Variants in NGEF observed in about 807,000 individuals in gnomAD.
NGEF encodes ephexin-1.
NGEF carries 31 observed loss-of-function variants against 80.9 expected under a neutral mutation model. The observed-to-expected ratio is 0.38, with a 90% CI of 0.29 to 0.52. The LOEUF is 0.52. Ranked by LOEUF, NGEF falls within the 20% of genes least tolerant of loss-of-function variation. The probability of loss-of-function intolerance (pLI) is 0.84; values close to 1 mark genes in which losing one functional copy is unlikely to be tolerated. For missense variants in NGEF, 709 were observed against 926.2 expected (o/e 0.77, Z 3.04); for synonymous variants, 371 against 370.2 (o/e 1.00, Z -0.03).
At position 232,887,973 on chromosome 2, in the gene NGEF, G is replaced by A. The variant is rs1559192131; in HGVS notation, c.1347+60C>T. 15 of 1,292,870 alleles carry A rather than the reference G, an allele frequency of 1.2e-5. No homozygotes were observed. The East Asian group carries it at 2.3e-4, about 20-fold the overall frequency. The allele number at this position is 1,292,870 out of a possible 1,614,324, so 80.1% of individuals were successfully genotyped here. ...ACATGTGGGGAGCAGGGCCGGAAAG[G>A]TGTGCCTGGATGAGGAAAACAGTGC... On this transcript the variant is annotated intron_variant, in intron 9 of 14. Coordinates refer to ENST00000264051, the MANE Select transcript of NGEF (RefSeq NM_019850.3).
intron 1 of NGEF, among the ~76,000 whole-genome samples, chr2:232,982,166 G>A (rs986208308): frequency 5.9e-5 from 9 of 152,268 alleles, no homozygotes; most frequent in Admixed American, 5.2e-4. Flanking sequence ...TGGAGCACAA[G>A]GGCAGCTGCT....
chr2:232,949,120 G>C (rs1355703797), intron 3 of NGEF, among the ~76,000 whole-genome samples: 1 of 152,230 alleles, frequency 6.6e-6, no homozygotes, highest in Non-Finnish European at 1.5e-5. Flanking sequence ...CAGAGGCCAA[G>C]GGAAGGAAGA....
intron 3 of NGEF, 83 bp downstream of exon 3, chr2:232,970,131 C>T (rs575425621): frequency 2.7e-4 from 186 of 690,702 alleles, no homozygotes; most frequent in African/African-American, 2.0e-3. Context: ...ATGACACCCT[C>T]GTAACCCTGT....
chr2:232,928,230 G>C (rs1466109160), intron 3 of NGEF: 2 of 943,744 alleles, frequency 2.1e-6, no homozygotes, highest in African/African-American at 3.6e-5. Flanking sequence ...CGCGCGGCGG[G>C]GGCGAGGCCG....
chr2:232,946,151 G>A (rs1288776674), intron 3 of NGEF, among the ~76,000 whole-genome samples: 2 of 151,886 alleles, frequency 1.3e-5, no homozygotes, highest in African/African-American at 4.8e-5. Flanking sequence ...AGATAAGATT[G>A]GAGACAGTAT....
At chr2:232,891,171 C>T (rs1427141139) in intron 8 of NGEF, among the ~76,000 whole-genome samples, 187 bp downstream of exon 8, 2 of 152,260 alleles carry the variant, frequency 1.3e-5, no homozygotes, top group African/African-American at 4.8e-5. Flanking sequence ...TTCGGTCTCT[C>T]CCCTCTGCGA....
In NGEF at chr2:232,891,339, C is replaced by A; in HGVS notation, c.1272+19G>T. 1 of 1,612,244 alleles carries A rather than the reference C, an allele frequency of 6.2e-7. No individual in the cohort carries two copies. Among genetic ancestry groups the A allele is most frequent in the South Asian group, 1.1e-5 (1 of 90,848 alleles). On this transcript the variant is annotated intron_variant, in intron 8 of 14. Coordinates refer to ENST00000264051, the MANE Select transcript of NGEF (RefSeq NM_019850.3). The stretch of plus-strand genomic sequence containing the variant: ...AGCCTGGGAAGCCCCGTCTGTGGGT[C>A]AGGTGGAGGAGGCTGTACCTGGACC...
At chr2:232,931,430 T>C (rs974367245) in intron 3 of NGEF, among the ~76,000 whole-genome samples, 4 of 152,210 alleles carry the variant, frequency 2.6e-5, no homozygotes, top group African/African-American at 9.7e-5. Flanking sequence ...AGTGGCTTGG[T>C]TCTTCCTGAC....
intron 3 of NGEF, among the ~76,000 whole-genome samples, chr2:232,949,416 T>C (rs1693629573): frequency 6.6e-6 from 1 of 152,170 alleles, no homozygotes. Flanking sequence ...GCTTTTCACA[T>C]ATATTATGGA....
intron 3 of NGEF, among the ~76,000 whole-genome samples, chr2:232,941,003 A>C (rs1272021982): frequency 6.6e-6 from 1 of 152,138 alleles, no homozygotes; most frequent in African/African-American, 2.4e-5. Context: ...TGTGCGGGAG[A>C]CCAGAGTTTT....
intron 2 of NGEF, 121 bp downstream of exon 2, chr2:232,974,502 G>T: frequency 8.4e-7 from 1 of 1,196,570 alleles, no homozygotes; most frequent in Non-Finnish European, 1.2e-6. Context: ...CTACCCTGTT[G>T]AAACTGTCCT....
At chr2:232,987,892 G>A (rs1048506135) in intron 1 of NGEF, among the ~76,000 whole-genome samples, 4 of 152,132 alleles carry the variant, frequency 2.6e-5, no homozygotes, top group Non-Finnish European at 5.9e-5. Context: ...GAACCCAAAT[G>A]TCAGCAAGTG....
At chr2:232,917,505 T>G (rs1281985810) in intron 5 of NGEF, among the ~76,000 whole-genome samples, 2 of 151,624 alleles carry the variant, frequency 1.3e-5, no homozygotes, top group African/African-American at 4.9e-5. Context: ...AGTCTTGCAC[T>G]GTCGCCTGGG....
Position 232,995,322 on chromosome 2 carries a change from GTGTACAGTATGTATACTATA to G in NGEF, c.-75+17726_-75+17745del. ...TGTGTACAGTATGTATACTGTATAT[GTGTACAGTATGTATACTATA>G]TACAGTATGTATACTGTATACTGTA... On this transcript the variant is annotated intron_variant, in intron 1 of 14. Coordinates refer to ENST00000264051, the MANE Select transcript of NGEF (RefSeq NM_019850.3). Among the ~76,000 whole-genome samples the G allele has an allele frequency of 9.1e-4, 4 of 4,412 alleles. 2 individuals are homozygous for G. In the South Asian group the frequency reaches 0.056, roughly 61 times the overall value. 2.9% of individuals were successfully genotyped at this position (4,412 alleles called of 152,430 possible).
intron 3 of NGEF, among the ~76,000 whole-genome samples, chr2:232,935,444 C>A (rs1693309576): frequency 6.6e-6 from 1 of 152,144 alleles, no homozygotes; most frequent in Non-Finnish European, 1.5e-5. Context: ...ATGGTAAAAC[C>A]CTGTCTCTAC....
chr2:232,939,111 G>T (rs1693388063), intron 3 of NGEF, among the ~76,000 whole-genome samples: 1 of 143,398 alleles, frequency 7.0e-6, no homozygotes, highest in South Asian at 2.3e-4. Context: ...CTGGGATGAA[G>T]AGGTTGCAGT....
intron 5 of NGEF, among the ~76,000 whole-genome samples, chr2:232,905,130 C>T (rs549043481): frequency 1.3e-5 from 2 of 152,164 alleles, no homozygotes; most frequent in Non-Finnish European, 2.9e-5. Context: ...CTCCCCTTTC[C>T]ACGGTCTCCC....
intron 3 of NGEF, among the ~76,000 whole-genome samples, chr2:232,943,414 T>A (rs1693478949): frequency 6.6e-6 from 1 of 152,030 alleles, no homozygotes; most frequent in African/African-American, 2.4e-5. Context: ...ATCCTGTCCC[T>A]TCCTTAAACC....
rs1215956277 is a variant in NGEF at position 232,883,457 on chromosome 2, G to A, written c.1611C>T (p.Tyr537=). ...VICRQIPGDK[Y]QVFDSAPRGL... Reference sequence around the variant, plus strand: ...CCCGCGGAGCTGAGTCAAATACCTGGTACTTGTCTCTGGAGATCAGGGAGA... The same window carrying A: ...CCCGCGGAGCTGAGTCAAATACCTGATACTTGTCTCTGGAGATCAGGGAGA... The change falls in exon 12 of 15, where the codon TAC becomes TAT. Residue 537 remains tyrosine (Y), a synonymous_variant. Coordinates refer to ENST00000264051, the MANE Select transcript of NGEF (RefSeq NM_019850.3). 6.3e-7 allele frequency: 1 copy of A among 1,598,488 alleles called. No individual in the cohort carries two copies. The highest frequency in any genetic ancestry group is 1.1e-5 in the South Asian group (1 of 88,434).
Sources: allele counts gnomAD v4.1 joint callset (sites outside exome capture counted in the v4.1 genomes callset), GRCh38; gene constraint gnomAD v4.1.1; transcripts MANE v1.5; gene names NCBI Gene and HGNC (gene_info 2026-07-23, HGNC 2026-07-21).